SNX2: variants seen among roughly 807,000 people sequenced by gnomAD.
SNX2 encodes sorting nexin 2, also known as sorting nexin-2.
In SNX2, 25 loss-of-function variants were observed where a neutral mutation model predicts 69.9. The observed-to-expected ratio is 0.36, with a 90% CI of 0.26 to 0.50. The LOEUF (loss-of-function observed/expected upper bound fraction) is 0.50. Among genes scored for constraint, SNX2 ranks in the 20% least tolerant of loss-of-function variants. The probability of loss-of-function intolerance (pLI) is 0.97; values close to 1 mark genes in which losing one functional copy is unlikely to be tolerated. For missense variants in SNX2, 551 were observed against 613.3 expected, an observed-to-expected ratio of 0.90 and a Z score of 1.07; for synonymous variants, 229 against 200.4, an observed-to-expected ratio of 1.14 and a Z score of -1.20.
At chr5:122,816,504 A>C (rs1753902850) in intron 8 of SNX2, among the ~76,000 whole-genome samples, 1 of 152,180 alleles carries the variant, frequency 6.6e-6, no homozygotes, top group African/African-American at 2.4e-5. Context: ...AATTTTTAAA[A>C]AACTCAAAAT....
chr5:122,777,340 T>C (rs1188316449), intron 1 of SNX2, among the ~76,000 whole-genome samples: 1 of 152,236 alleles, frequency 6.6e-6, no homozygotes, highest in African/African-American at 2.4e-5. Context: ...TCTGCATTTT[T>C]AACACGCTTT....
chr5:122,795,044 G>A (rs1344151199), intron 1 of SNX2, among the ~76,000 whole-genome samples: 1 of 151,990 alleles, frequency 6.6e-6, no homozygotes, highest in Non-Finnish European at 1.5e-5. Flanking sequence ...GAAAAAAAAG[G>A]TTTTCTTTTT....
At chr5:122,809,434 G>A (rs565735153) in intron 7 of SNX2, among the ~76,000 whole-genome samples, 15 of 152,286 alleles carry the variant, frequency 9.8e-5, no homozygotes, top group Non-Finnish European at 1.9e-4. Context: ...CAGACTAAAA[G>A]GGGGACAGAT....
At chr5:122,824,968 C>G (rs1030001051) in intron 11 of SNX2, among the ~76,000 whole-genome samples, 3 of 152,084 alleles carry the variant, frequency 2.0e-5, no homozygotes, top group African/African-American at 7.2e-5. Context: ...ATCATTACAG[C>G]TTGGAGAAGT....
At chr5:122,808,143 A>T in intron 6 of SNX2, 134 bp from the exon 7 acceptor site, 2 of 529,744 alleles carry the variant, frequency 3.8e-6, no homozygotes, top group Middle Eastern at 3.3e-4. Context: ...TTTGCTTTTT[A>T]GATAAGATAC....
intron 1 of SNX2, among the ~76,000 whole-genome samples, chr5:122,791,709 G>A (rs1016830403): frequency 2.0e-5 from 3 of 152,238 alleles, no homozygotes; most frequent in East Asian, 1.9e-4. Flanking sequence ...AAGCCACCGC[G>A]CCTGGCCCTC....
chr5:122,798,812 C>T (rs1753443893), intron 2 of SNX2, among the ~76,000 whole-genome samples: 2 of 152,038 alleles, frequency 1.3e-5, no homozygotes, highest in Admixed American at 6.6e-5. Flanking sequence ...GTAAACTGTT[C>T]CTGATTTTTG....
At chr5:122,814,302 T>A (rs1176895896) in intron 7 of SNX2, among the ~76,000 whole-genome samples, 1 of 152,186 alleles carries the variant, frequency 6.6e-6, no homozygotes, top group East Asian at 1.9e-4. Flanking sequence ...TACCAACATT[T>A]CTTAAACCTG....
intron 2 of SNX2, among the ~76,000 whole-genome samples, chr5:122,798,097 T>C (rs936344845): frequency 6.6e-6 from 1 of 152,166 alleles, no homozygotes; most frequent in African/African-American, 2.4e-5. Flanking sequence ...GGTTTTTGTT[T>C]TGTTTGGTGC....
chr5:122,826,327 T>G, intron 12 of SNX2, 134 bp downstream of exon 12: 1 of 707,588 alleles, frequency 1.4e-6, no homozygotes, highest in Non-Finnish European at 2.2e-6. Context: ...TGTGTTAGAA[T>G]TACTTTAACA....
chr5:122,781,997 G>A lies in SNX2; in HGVS notation c.108+6786G>A, dbSNP rs779434060. On this transcript the variant is annotated intron_variant, in intron 1 of 14. Coordinates refer to ENST00000379516, the MANE Select transcript of SNX2 (RefSeq NM_003100.4). ...TGTATGGTGGAAGGTACGTGTCTTC[G>A]CAACTCTACCACAGAAATCAGCAAA... 2.6e-5 allele frequency among the ~76,000 whole-genome samples: 4 copies of A among 152,074 alleles called. No homozygotes were observed. In the East Asian group the frequency reaches 5.8e-4, roughly 22 times the overall value.
chr5:122,792,210 T>A (rs949272000), intron 1 of SNX2, among the ~76,000 whole-genome samples: 5 of 152,346 alleles, frequency 3.3e-5, no homozygotes, highest in African/African-American at 9.6e-5. Flanking sequence ...CTAAAGAGAT[T>A]TTTGTGCCAT....
chr5:122,830,376 G>A lies in SNX2; in HGVS notation c.*728G>A, dbSNP rs577595600. 1.3e-5 allele frequency among the ~76,000 whole-genome samples: 2 copies of A among 152,190 alleles called. No individual in the cohort carries two copies. The highest frequency in any genetic ancestry group is 4.8e-5 in the African/African-American group (2 of 41,536). On this transcript the variant is annotated 3_prime_UTR_variant, in exon 15 of 15. Transcript: ENST00000379516. ...TTGTTTTTAACCATCTCTATTACAA[G>A]TGCCCAATTTAAGAATTAGGAAAAA...
In SNX2 at chr5:122,822,180, G is replaced by A. The variant is rs535649728; in HGVS notation, c.1212+3157G>A. Among the ~76,000 whole-genome samples, 50 of 152,074 alleles carry A rather than the reference G, an allele frequency of 3.3e-4. No homozygotes were observed. In the South Asian group the frequency reaches 9.6e-3, roughly 29 times the overall value. ...GCAATCTTGGCTCACTACAACCTCC[G>A]CCTCCTAGGTTCAAGCAATTCTGCC... is the stretch of plus-strand genomic sequence containing the variant. On this transcript the variant is annotated intron_variant, in intron 11 of 14. Coordinates refer to ENST00000379516, the MANE Select transcript of SNX2 (RefSeq NM_003100.4).
At chr5:122,794,512 G>A (rs1287859056) in intron 1 of SNX2, among the ~76,000 whole-genome samples, 6 of 152,174 alleles carry the variant, frequency 3.9e-5, no homozygotes, top group Non-Finnish European at 7.3e-5. Context: ...AGGATCTGTT[G>A]AGTCACGTGG....
intron 11 of SNX2, among the ~76,000 whole-genome samples, chr5:122,820,491 G>A (rs1197805779): frequency 6.6e-6 from 1 of 151,956 alleles, no homozygotes; most frequent in East Asian, 1.9e-4. Flanking sequence ...AGCTGGGATT[G>A]CGCAACTGCA....
At chr5:122,820,777 T>C (rs749079905) in intron 11 of SNX2, among the ~76,000 whole-genome samples, 10 of 152,232 alleles carry the variant, frequency 6.6e-5, no homozygotes, top group Non-Finnish European at 1.3e-4. Context: ...TGGGAAGTTA[T>C]GTATATAGTA....
intron 14 of SNX2, 81 bp from the exon 15 acceptor site, chr5:122,829,517 T>G: frequency 8.5e-7 from 1 of 1,169,866 alleles, no homozygotes; most frequent in Non-Finnish European, 1.3e-6. Flanking sequence ...TGTAGATTTT[T>G]TTTTAATGCT....
In SNX2 at chr5:122,799,734, C is replaced by T. The variant is rs150214828; in HGVS notation, c.269C>T (p.Pro90Leu). ...TCTTTGGACAGCCCTGAAAGGGAAC[C>T]TATCCTATCCTCGGAACCTTCTCCT... ...EVSLDSPERE[P>L]ILSSEPSPAV... Residue 90 changes from proline (P) to leucine (L), a missense_variant, in exon 3 of 15, where the codon CCT (proline) becomes CTT (leucine). Around this residue, in one of 2 missense-constraint regions of SNX2, gnomAD observed 191 missense variants for 162.9 expected, o/e 1.17. Coordinates refer to ENST00000379516, the MANE Select transcript of SNX2 (RefSeq NM_003100.4). The T allele has an allele frequency of 1.4e-4, 225 of 1,613,744 alleles. No homozygotes were observed. The highest frequency in any genetic ancestry group is 7.5e-4 in the Admixed American group (45 of 60,000).
Sources: gnomAD v4.1 joint callset for allele counts (sites outside exome capture counted in the v4.1 genomes callset) on GRCh38, gnomAD v4.1.1 for gene constraint, gnomAD v4.1.1 regional missense constraint, MANE v1.5 for transcripts, NCBI Gene and HGNC (gene_info 2026-07-23, HGNC 2026-07-21) for gene names.